The following SYT1 variants were observed in gnomAD, a reference collection of about 807,000 sequenced individuals.
SYT1 encodes synaptotagmin-1.
Under a neutral mutation model 44.8 loss-of-function variants are expected in SYT1, and 8 were observed. The observed-to-expected ratio is 0.18, with a 90% CI of 0.10 to 0.32. SYT1 has a LOEUF of 0.32. SYT1 is among the 10% of genes least tolerant of loss of function. SYT1 has a pLI of 1.00. For missense variants in SYT1, 286 were observed against 509.3 expected, an observed-to-expected ratio of 0.56 and a Z score of 4.22; for synonymous variants, 154 against 188.8, an observed-to-expected ratio of 0.82 and a Z score of 1.51.
chr12:79,373,070 G>A (rs1883856784), intron 9 of SYT1, among the ~76,000 whole-genome samples: 1 of 152,162 alleles, frequency 6.6e-6, no homozygotes, highest in African/African-American at 2.4e-5. Context: ...TGTAGACTCT[G>A]ATTTAGGAGT....
At chr12:79,099,554 G>T (rs953293828) in intron 3 of SYT1, among the ~76,000 whole-genome samples, 51 of 152,176 alleles carry the variant, frequency 3.4e-4, no homozygotes, top group Admixed American at 2.3e-3. Flanking sequence ...TTCTCAGATG[G>T]TTAAAGTAGT....
rs2138566679 is a variant in SYT1, at chr12:79,218,336, A to G, written c.166+651A>G. 2.6e-5 allele frequency among the ~76,000 whole-genome samples: 4 copies of G among 152,336 alleles called. 1 individual carries two copies. Among genetic ancestry groups the G allele is most frequent in the Admixed American group, 2.6e-4 (4 of 15,304 alleles). ...TTCCAGAAAAATGTTGAGAGTGAAT[A>G]TAAAGTGTTCTCACCACAAAAATAA... On this transcript the variant is annotated intron_variant, in intron 4 of 10. Coordinates refer to ENST00000261205, the MANE Select transcript of SYT1 (RefSeq NM_005639.3).
At chr12:78,871,718 G>A (rs1592509888) in intron 1 of SYT1, among the ~76,000 whole-genome samples, 1 of 151,878 alleles carries the variant, frequency 6.6e-6, no homozygotes, top group African/African-American at 2.4e-5. Flanking sequence ...AGGAAGCAAA[G>A]CATTGAAATC....
At chr12:79,253,508 TC>T (rs1877346366) in intron 4 of SYT1, among the ~76,000 whole-genome samples, 4 of 151,628 alleles carry the variant, frequency 2.6e-5, no homozygotes, top group African/African-American at 7.3e-5. Context: ...TCTCTCTCTC[TC>T]TCTCTCTCTC....
At chr12:79,264,049 C>G (rs1877983580) in intron 4 of SYT1, among the ~76,000 whole-genome samples, 1 of 151,920 alleles carries the variant, frequency 6.6e-6, no homozygotes, top group Non-Finnish European at 1.5e-5. Context: ...CTTGACAGTT[C>G]AAAGAAGTAA....
At chr12:78,956,144 G>C (rs2137315660) in intron 1 of SYT1, among the ~76,000 whole-genome samples, 1 of 152,086 alleles carries the variant, frequency 6.6e-6, no homozygotes, top group South Asian at 2.1e-4. Flanking sequence ...TTGGGAGAGA[G>C]TATCTTAGTA....
chr12:79,285,516 T>G (rs1413233578), intron 4 of SYT1, among the ~76,000 whole-genome samples: 1 of 152,200 alleles, frequency 6.6e-6, no homozygotes, highest in African/African-American at 2.4e-5. Flanking sequence ...TGAAGAGATG[T>G]GTTCCTAGAA....
At chr12:79,300,672 C>CA (rs1880092305) in intron 8 of SYT1, among the ~76,000 whole-genome samples, 1 of 151,154 alleles carries the variant, frequency 6.6e-6, no homozygotes, top group South Asian at 2.1e-4. Context: ...CAAAATGAGT[C>CA]AAAAATACTT....
intron 9 of SYT1, among the ~76,000 whole-genome samples, chr12:79,432,229 ATACTTTAAGTTCTAGGG>A (rs1869834440): frequency 6.6e-6 from 1 of 151,374 alleles, no homozygotes; most frequent in Non-Finnish European, 1.5e-5. Flanking sequence ...TTTAATTATT[ATACTTTAAGTTCTAGGG>A]TACATGTGCA....
At chr12:79,368,978 C>T (rs1306829627) in intron 9 of SYT1, among the ~76,000 whole-genome samples, 1 of 152,150 alleles carries the variant, frequency 6.6e-6, no homozygotes, top group East Asian at 1.9e-4. Flanking sequence ...TTGCCCATGC[C>T]TATGTCCTGA....
chr12:79,226,555 C>A (rs149020507), intron 4 of SYT1, among the ~76,000 whole-genome samples: 1 of 152,106 alleles, frequency 6.6e-6, no homozygotes, highest in African/African-American at 2.4e-5. Flanking sequence ...TGAGTACCAC[C>A]CCTAAAAAAT....
chr12:78,971,473 C>T (rs779872851), intron 1 of SYT1, among the ~76,000 whole-genome samples: 34 of 152,014 alleles, frequency 2.2e-4, no homozygotes, highest in Non-Finnish European at 4.0e-4. Context: ...TGCATTGTTC[C>T]ATGGATTAAA....
intron 3 of SYT1, among the ~76,000 whole-genome samples, chr12:79,095,799 C>A (rs547460556): frequency 6.6e-6 from 1 of 152,026 alleles, no homozygotes; most frequent in East Asian, 1.9e-4. Flanking sequence ...GGGACAAAGG[C>A]AACTTTCCTC....
At chr12:78,971,404 G>A (rs1186082088) in intron 1 of SYT1, among the ~76,000 whole-genome samples, 1 of 152,116 alleles carries the variant, frequency 6.6e-6, no homozygotes, top group Non-Finnish European at 1.5e-5. Context: ...AAAACAGGTT[G>A]TTAAAATTCA....
chr12:79,282,638 A>G (rs1453486877), intron 4 of SYT1, among the ~76,000 whole-genome samples: 2 of 151,880 alleles, frequency 1.3e-5, no homozygotes, highest in African/African-American at 4.9e-5. Flanking sequence ...GCTTCACTGA[A>G]TTATTTAATT....
chr12:78,922,579 G>A (rs1017660992), intron 1 of SYT1, among the ~76,000 whole-genome samples: 4 of 151,686 alleles, frequency 2.6e-5, no homozygotes, highest in Non-Finnish European at 5.9e-5. Flanking sequence ...TCACTTCCAG[G>A]GCAGAATGGC....
At chr12:79,366,937 TG>T (rs1402851439) in intron 9 of SYT1, among the ~76,000 whole-genome samples, 3 of 148,906 alleles carry the variant, frequency 2.0e-5, no homozygotes, top group African/African-American at 7.4e-5. Flanking sequence ...TGTGTGTGTG[TG>T]TGTGTGTGTT....
At chr12:79,403,455 T>TC (rs1885139268) in intron 9 of SYT1, among the ~76,000 whole-genome samples, 1 of 152,188 alleles carries the variant, frequency 6.6e-6, no homozygotes, top group South Asian at 2.1e-4. Context: ...AGGTCTTTTT[T>TC]CTCTTAAGGC....
At chr12:79,295,077 T>C (rs902004619) in intron 6 of SYT1, among the ~76,000 whole-genome samples, 2 of 152,136 alleles carry the variant, frequency 1.3e-5, no homozygotes, top group Non-Finnish European at 1.5e-5. Context: ...TAAAAAGGCA[T>C]GAACTCAGAT....
Sources: allele counts gnomAD v4.1 joint callset (sites outside exome capture counted in the v4.1 genomes callset), GRCh38; gene constraint gnomAD v4.1.1; transcripts MANE v1.5; gene names NCBI Gene and HGNC (gene_info 2026-07-23, HGNC 2026-07-21).